Variants in KIF2A observed in about 807,000 individuals in gnomAD.
KIF2A encodes kinesin-like protein KIF2A.
Under a neutral mutation model 100.2 loss-of-function variants are expected in KIF2A, and 22 were observed. The ratio of observed to expected loss-of-function variants is 0.22; its 90% CI spans 0.16 to 0.31. The LOEUF (loss-of-function observed/expected upper bound fraction) is 0.31, where lower values mean the gene tolerates loss of function less well. Ranked by LOEUF, KIF2A falls within the 10% of genes least tolerant of loss-of-function variation. The probability of loss-of-function intolerance (pLI) is 1.00; values close to 1 mark genes in which losing one functional copy is unlikely to be tolerated. For synonymous variants in KIF2A, 268 were observed against 285.9 expected (o/e 0.94, Z 0.63); for missense variants, 495 against 898.7 (o/e 0.55, Z 5.74).
At chr5:62,319,907 A>ATGTATG (rs1561249202) in intron 1 of KIF2A, among the ~76,000 whole-genome samples, 2 of 151,780 alleles carry the variant, frequency 1.3e-5, no homozygotes, top group Admixed American at 6.6e-5. Flanking sequence ...ATGTATGTAT[A>ATGTATG]TATCTATTAG....
At chr5:62,346,928 A>G (rs1411262268) in intron 1 of KIF2A, among the ~76,000 whole-genome samples, 29 of 152,190 alleles carry the variant, frequency 1.9e-4, no homozygotes, top group Non-Finnish European at 1.2e-4. Context: ...TTACTGATTT[A>G]CTGGACTTGA....
At chr5:62,312,515 A>G (rs985810829) in intron 1 of KIF2A, among the ~76,000 whole-genome samples, 7 of 152,310 alleles carry the variant, frequency 4.6e-5, no homozygotes, top group African/African-American at 1.7e-4. Flanking sequence ...GTAACCTAAA[A>G]TAATTTTAAG....
In KIF2A at chr5:62,389,012, A is replaced by G; in HGVS notation, c.*3443A>G. 8 of 1,609,204 alleles carry G rather than the reference A, an allele frequency of 5.0e-6. No homozygotes were observed. Among genetic ancestry groups the G allele is most frequent in the Non-Finnish European group, 6.8e-6 (8 of 1,178,546 alleles). On this transcript the variant is annotated 3_prime_UTR_variant, in exon 21 of 21. Transcript: ENST00000407818. ...GAAAATTTCTGTTTTCCAAATACCT[A>G]GGAAAAATGAATACCTTCTGCGTTG...
chr5:62,388,895 C>T lies in KIF2A; in HGVS notation c.*3326C>T. On this transcript the variant is annotated 3_prime_UTR_variant, in exon 21 of 21. Transcript: ENST00000407818. ...GGTGACAACAGTAGTAGTATTGAAC[C>T]AAAAATAGTCAAGTAAATAATGTCT... 1 of 1,008,388 alleles carries T rather than the reference C, an allele frequency of 9.9e-7. No individual in the cohort carries two copies. The highest frequency in any genetic ancestry group is 1.5e-6 in the Non-Finnish European group (1 of 672,436). The allele number at this position is 1,008,388 out of a possible 1,614,324, so 62.5% of individuals were successfully genotyped here.
Position 62,355,143 on chromosome 5 carries a change from C to T in KIF2A, c.559-16C>T, listed in dbSNP as rs114437064. 8.8e-7 allele frequency: 1 copy of T among 1,133,220 alleles called. No homozygotes were observed. The highest frequency in any genetic ancestry group is 1.3e-6 in the Non-Finnish European group (1 of 757,392). The allele number at this position is 1,133,220 out of a possible 1,614,324, so 70.2% of individuals were successfully genotyped here. A position where few individuals can be genotyped will look rare whatever the true frequency, so the allele number is the denominator to read the frequency against. ...TATTATATTTATAATGGTGAATTCT[C>T]TCTGTCTTCTAATAGGACGTTGATG... On this transcript the variant is annotated splice_polypyrimidine_tract_variant and intron_variant, in intron 6 of 20. Coordinates refer to ENST00000407818, the MANE Select transcript of KIF2A (RefSeq NM_001098511.3).
chr5:62,355,308 CGT>C (rs1748044855), intron 7 of KIF2A, 54 bp downstream of exon 7: 1 of 897,818 alleles, frequency 1.1e-6, no homozygotes, highest in Non-Finnish European at 1.8e-6. Context: ...CAAATAAAAA[CGT>C]GTTTGACACT....
intron 1 of KIF2A, among the ~76,000 whole-genome samples, chr5:62,332,565 A>T (rs1746708666): frequency 6.6e-6 from 1 of 152,106 alleles, no homozygotes. Context: ...GATTTAGCAG[A>T]TTTTATTTAT....
At chr5:62,378,781 G>A (rs1228666507) in intron 19 of KIF2A, among the ~76,000 whole-genome samples, 1 of 151,882 alleles carries the variant, frequency 6.6e-6, no homozygotes, top group Non-Finnish European at 1.5e-5. Flanking sequence ...AGCTGGGTGA[G>A]GTATAGCATG....
chr5:62,336,141 G>A (rs1343785155), intron 1 of KIF2A, among the ~76,000 whole-genome samples: 2 of 152,158 alleles, frequency 1.3e-5, no homozygotes, highest in African/African-American at 2.4e-5. Context: ...GATTAGTAAT[G>A]GAACAGGAAT....
rs181824384 is a variant in KIF2A, at chr5:62,306,211, A to C, written c.-262A>C. 1,282 of 436,982 alleles carry C rather than the reference A, an allele frequency of 2.9e-3. 10 individuals are homozygous for C. Among genetic ancestry groups the C allele is most frequent in the African/African-American group, 0.024 (1,126 of 46,960 alleles). The allele number at this position is 436,982 out of a possible 1,614,324, so 27.1% of individuals were successfully genotyped here. On this transcript the variant is annotated 5_prime_UTR_variant, in exon 1 of 21. Coordinates refer to ENST00000407818, the MANE Select transcript of KIF2A (RefSeq NM_001098511.3). ...CGGGCGGTGCGGGCCCTCCCACTCTACCCCGCGCCGTCTCACGGCCCCGGC... is the reference window on the plus strand; with the variant it reads ...CGGGCGGTGCGGGCCCTCCCACTCTCCCCCGCGCCGTCTCACGGCCCCGGC...
At chr5:62,334,237 A>G (rs1051524479) in intron 1 of KIF2A, among the ~76,000 whole-genome samples, 1 of 151,606 alleles carries the variant, frequency 6.6e-6, no homozygotes, top group African/African-American at 2.4e-5. Flanking sequence ...TTTGACTCAC[A>G]TCATGACTCA....
At chr5:62,306,619 A>C in intron 1 of KIF2A, 83 bp downstream of exon 1, 1 of 1,131,664 alleles carries the variant, frequency 8.8e-7, no homozygotes, top group Non-Finnish European at 1.3e-6. Flanking sequence ...CGGCCGCCTC[A>C]TTGATTGCTT....
In KIF2A at chr5:62,381,216, T is replaced by A. The variant is rs1392320882; in HGVS notation, c.2112T>A (p.Ile704=). 2 of 1,612,568 alleles carry A rather than the reference T, an allele frequency of 1.2e-6. No homozygotes were observed. The highest frequency in any genetic ancestry group is 1.7e-6 in the Non-Finnish European group (2 of 1,178,818). Residue 704 remains isoleucine, a synonymous_variant, in exon 20 of 21, where the codon ATT becomes ATA. Coordinates refer to ENST00000407818, the MANE Select transcript of KIF2A (RefSeq NM_001098511.3). ...VDSYATQLEA[I]LEQKIDILTE... ...CATATGCTACACAACTTGAAGCTAT[T>A]CTTGAGCAAAAAATAGACATTTTAA... is the stretch of plus-strand genomic sequence containing the variant.
chr5:62,333,898 A>T (rs1214837824), intron 1 of KIF2A, among the ~76,000 whole-genome samples: 1 of 152,074 alleles, frequency 6.6e-6, no homozygotes, highest in African/African-American at 2.4e-5. Context: ...CCCAGCCAAC[A>T]TTTCAGGTTG....
intron 3 of KIF2A, 40 bp downstream of exon 3, chr5:62,348,207 A>G: frequency 6.2e-7 from 1 of 1,608,304 alleles, no homozygotes; most frequent in Non-Finnish European, 8.5e-7. Flanking sequence ...ACTGGGAGAG[A>G]GCGGGAGTTG....
chr5:62,359,622 AAATAT>A (rs1218883328), intron 9 of KIF2A, among the ~76,000 whole-genome samples: 11 of 152,154 alleles, frequency 7.2e-5, no homozygotes, highest in African/African-American at 2.7e-4. Context: ...CTGCCTCATA[AAATAT>A]AAGTTTGACT....
At chr5:62,341,570 G>A (rs1428590269) in intron 1 of KIF2A, among the ~76,000 whole-genome samples, 1 of 152,038 alleles carries the variant, frequency 6.6e-6, no homozygotes, top group Admixed American at 6.6e-5. Context: ...CCAAAGTGCT[G>A]GGATCACAGG....
chr5:62,388,999 T>C lies in KIF2A; in HGVS notation c.*3430T>C. On this transcript the variant is annotated 3_prime_UTR_variant, in exon 21 of 21. Transcript: ENST00000407818. ...TTTTCTTGACCTTGAAAATTTCTGT[T>C]TTCCAAATACCTAGGAAAAATGAAT... 1.2e-6 allele frequency: 2 copies of C among 1,604,764 alleles called. No homozygotes were observed. The highest frequency in any genetic ancestry group is 1.1e-5 in the South Asian group (1 of 89,536).
intron 17 of KIF2A, among the ~76,000 whole-genome samples, chr5:62,373,296 T>C (rs1485616235): frequency 6.6e-6 from 1 of 152,036 alleles, no homozygotes; most frequent in East Asian, 1.9e-4. Context: ...CTAATTGTTA[T>C]TGTTTACATT....
Sources: allele counts gnomAD v4.1 joint callset (sites outside exome capture counted in the v4.1 genomes callset), GRCh38; gene constraint gnomAD v4.1.1; transcripts MANE v1.5; gene names NCBI Gene and HGNC (gene_info 2026-07-23, HGNC 2026-07-21).